SSBP3: variants seen among roughly 807,000 people sequenced by gnomAD.
SSBP3 encodes the protein single stranded DNA binding protein 3, also known as single-stranded DNA-binding protein 3.
SSBP3 carries 5 observed loss-of-function variants against 69.6 expected under a neutral mutation model. That is an observed-to-expected ratio of 0.07 (90% CI 0.04 to 0.15). SSBP3 has a LOEUF of 0.15. Ranked by LOEUF, SSBP3 falls within the 10% of genes least tolerant of loss-of-function variation. The pLI is 1.00. For synonymous variants in SSBP3, 196 were observed against 193.4 expected (o/e 1.01, Z -0.11); for missense variants, 312 against 534.0 (o/e 0.58, Z 4.10).
intron 4 of SSBP3, among the ~76,000 whole-genome samples, chr1:54,308,919 T>A (rs1201818127): frequency 4.0e-5 from 6 of 148,412 alleles, no homozygotes; most frequent in African/African-American, 1.0e-4. Flanking sequence ...AAAAAAAAAA[T>A]ACCTAAGAAA....
intron 17 of SSBP3, among the ~76,000 whole-genome samples, chr1:54,227,785 C>T (rs1452415816): frequency 6.6e-6 from 1 of 152,174 alleles, no homozygotes; most frequent in Admixed American, 6.5e-5. Flanking sequence ...CACCATGTTG[C>T]CCAGGCTGGC....
chr1:54,383,148 C>A (rs1237387646), intron 4 of SSBP3, among the ~76,000 whole-genome samples: 1 of 151,824 alleles, frequency 6.6e-6, no homozygotes, highest in Non-Finnish European at 1.5e-5. Flanking sequence ...CCGAGGTGGG[C>A]GGATTGTCTG....
intron 4 of SSBP3, among the ~76,000 whole-genome samples, chr1:54,343,219 A>C (rs563696038): frequency 7.2e-5 from 11 of 152,270 alleles, no homozygotes; most frequent in Non-Finnish European, 1.3e-4. Context: ...CACGTGATAC[A>C]TTCCTCGCTG....
intron 4 of SSBP3, among the ~76,000 whole-genome samples, chr1:54,344,562 TG>T (rs1187632814): frequency 6.6e-6 from 1 of 152,206 alleles, no homozygotes; most frequent in Non-Finnish European, 1.5e-5. Context: ...TGATGACTGC[TG>T]GGGCAGCTAA....
intron 4 of SSBP3, among the ~76,000 whole-genome samples, chr1:54,297,488 G>A (rs1463302718): frequency 2.0e-5 from 3 of 152,268 alleles, no homozygotes; most frequent in South Asian, 2.1e-4. Context: ...AAAATTAGCC[G>A]GGCGTGGTGG....
At chr1:54,251,988 TCTG>T in intron 7 of SSBP3, 128 bp from the exon 8 acceptor site, 2 of 765,572 alleles carry the variant, frequency 2.6e-6, no homozygotes, top group South Asian at 1.5e-5. Flanking sequence ...CCCTGAGACT[TCTG>T]CTGCCTGCCA....
chr1:54,243,633 G>A (rs989219611), intron 9 of SSBP3, among the ~76,000 whole-genome samples: 9 of 152,128 alleles, frequency 5.9e-5, no homozygotes, highest in Non-Finnish European at 1.0e-4. Context: ...GGGCTCAGGC[G>A]GGTAAGAGGG....
At chr1:54,269,790 A>G (rs1645162463) in intron 5 of SSBP3, among the ~76,000 whole-genome samples, 2 of 152,216 alleles carry the variant, frequency 1.3e-5, no homozygotes, top group African/African-American at 4.8e-5. Flanking sequence ...AGCTGGTCCA[A>G]CAGTGGGGTG....
At chr1:54,386,706 A>ATTTTTTTTTTTTTTTTTTTTTTTTT (rs1648117066) in intron 4 of SSBP3, among the ~76,000 whole-genome samples, 1 of 45,156 alleles carries the variant, frequency 2.2e-5, no homozygotes, top group Non-Finnish European at 3.6e-5. Context: ...TTTTTTTTTA[A>ATTTTTTTTTTTTTTTTTTTTTTTTT]GAGATGGAGT....
rs946859592 is a variant in SSBP3, at chr1:54,300,106, G to A, written c.277-18579C>T. On this transcript the variant is annotated intron_variant, in intron 4 of 17. Coordinates refer to ENST00000610401, the Ensembl canonical transcript of SSBP3. Reference sequence around the variant, plus strand: ...CAAGAAAATGGAAGGCCGAGAGAGGGTAAGGGAGCGCCACAGAAGATAAGG... The same window carrying A: ...CAAGAAAATGGAAGGCCGAGAGAGGATAAGGGAGCGCCACAGAAGATAAGG... 2.6e-5 allele frequency among the ~76,000 whole-genome samples: 4 copies of A among 152,186 alleles called. No homozygotes were observed. The South Asian group carries it at 6.2e-4, about 24-fold the overall frequency.
intron 4 of SSBP3, 78 bp downstream of exon 4, chr1:54,401,783 G>C: frequency 1.6e-6 from 2 of 1,233,748 alleles, no homozygotes; most frequent in Non-Finnish European, 2.4e-6. Context: ...CGAACTGGCT[G>C]TGTTTGCTTT....
chr1:54,300,471 C>T (rs888973108), intron 4 of SSBP3, among the ~76,000 whole-genome samples: 1 of 152,164 alleles, frequency 6.6e-6, no homozygotes, highest in Non-Finnish European at 1.5e-5. Flanking sequence ...CGGAGACACT[C>T]GGTCAACATT....
chr1:54,315,785 C>T (rs1049098187), intron 4 of SSBP3, among the ~76,000 whole-genome samples: 11 of 152,052 alleles, frequency 7.2e-5, no homozygotes, highest in Non-Finnish European at 1.2e-4. Context: ...CCTCTGCCTC[C>T]TGAGTAGCTG....
chr1:54,343,644 G>C (rs1417669184), intron 4 of SSBP3, among the ~76,000 whole-genome samples: 2 of 152,222 alleles, frequency 1.3e-5, no homozygotes, highest in Non-Finnish European at 2.9e-5. Context: ...AATGTGCAGT[G>C]TTCAGAGAGG....
chr1:54,229,275 C>T (rs59455983), intron 14 of SSBP3, among the ~76,000 whole-genome samples: 19,767 of 152,294 alleles, frequency 0.13, 1,420 homozygotes, highest in South Asian at 0.24. Flanking sequence ...TGAGAGGAAA[C>T]GCTTTGCTTG....
intron 4 of SSBP3, among the ~76,000 whole-genome samples, chr1:54,365,054 G>C (rs1169213971): frequency 6.6e-6 from 1 of 152,232 alleles, no homozygotes; most frequent in Non-Finnish European, 1.5e-5. Context: ...AGGAGGGAGG[G>C]AAGAGGGGCT....
chr1:54,274,948 A>G (rs967717040), intron 5 of SSBP3, among the ~76,000 whole-genome samples: 1 of 151,812 alleles, frequency 6.6e-6, no homozygotes, highest in South Asian at 2.1e-4. Flanking sequence ...TTCACTGCCA[A>G]TTGCCTCCTC....
intron 4 of SSBP3, among the ~76,000 whole-genome samples, chr1:54,321,507 AAG>A (rs902358633): frequency 6.6e-6 from 1 of 152,152 alleles, no homozygotes; most frequent in African/African-American, 2.4e-5. Context: ...AAACGCAACA[AAG>A]GCTCTTCTAG....
chr1:54,252,337 T>C (rs1298256536), intron 7 of SSBP3, among the ~76,000 whole-genome samples: 1 of 152,190 alleles, frequency 6.6e-6, no homozygotes, highest in Non-Finnish European at 1.5e-5. Context: ...CTACCTAAAA[T>C]CCTATCGCTG....
Sources: gnomAD v4.1 joint callset for allele counts (sites outside exome capture counted in the v4.1 genomes callset) on GRCh38, gnomAD v4.1.1 for gene constraint, MANE v1.5 for transcripts, NCBI Gene and HGNC (gene_info 2026-07-23, HGNC 2026-07-21) for gene names.